The following ABR variants were observed in gnomAD, a reference collection of about 807,000 sequenced individuals.
ABR encodes active breakpoint cluster region-related protein.
In ABR, 35 loss-of-function variants were observed where a neutral mutation model predicts 107.2. That is an observed-to-expected ratio of 0.33 (90% confidence interval 0.25 to 0.43). The LOEUF (loss-of-function observed/expected upper bound fraction) is 0.43. Among genes scored for constraint, ABR ranks in the 20% least tolerant of loss-of-function variants. ABR has a pLI of 1.00. For missense variants in ABR, 815 were observed against 1,115.2 expected, an observed-to-expected ratio of 0.73 and a Z score of 3.83; for synonymous variants, 498 against 462.0, an observed-to-expected ratio of 1.08 and a Z score of -1.00.
At chr17:1,065,779 T>A (rs2034665440) in intron 10 of ABR, among the ~76,000 whole-genome samples, 1 of 142,474 alleles carries the variant, frequency 7.0e-6, no homozygotes, top group African/African-American at 2.6e-5. Context: ...ACAGTCTCAC[T>A]CTGTTGCTCA....
intron 16 of ABR, among the ~76,000 whole-genome samples, chr17:1,024,039 A>G (rs1365040372): frequency 1.3e-5 from 2 of 149,548 alleles, no homozygotes; most frequent in Non-Finnish European, 3.0e-5. Context: ...AAAAAAAAAA[A>G]AAAAAAAAAA....
chr17:1,015,144 C>T (rs969309071), intron 16 of ABR, among the ~76,000 whole-genome samples: 1 of 152,052 alleles, frequency 6.6e-6, no homozygotes, highest in Non-Finnish European at 1.5e-5. Flanking sequence ...CAGCCAGGCA[C>T]GGTGGCTCAC....
exon 1 of ABR, chr17:1,228,916 G>A (rs902664752): frequency 2.0e-5 from 3 of 151,722 alleles, no homozygotes; most frequent in African/African-American, 7.2e-5. Flanking sequence ...CGCCACGGGG[G>A]CAGGTGCTCG....
intron 1 of ABR, among the ~76,000 whole-genome samples, chr17:1,185,470 C>T (rs2042257350): frequency 6.6e-6 from 1 of 151,888 alleles, no homozygotes; most frequent in Non-Finnish European, 1.5e-5. Context: ...CATGGTGAAA[C>T]CCCGTCTCTA....
At chr17:1,115,679 C>T (rs1304965126) in intron 2 of ABR, among the ~76,000 whole-genome samples, 2 of 152,242 alleles carry the variant, frequency 1.3e-5, no homozygotes, top group Non-Finnish European at 2.9e-5. Context: ...AATCCCAGCA[C>T]TTTGGGAGGC....
chr17:1,186,201 G>T (rs932005869), intron 1 of ABR, among the ~76,000 whole-genome samples: 1 of 152,170 alleles, frequency 6.6e-6, no homozygotes, highest in South Asian at 2.1e-4. Flanking sequence ...AATTCCCCAG[G>T]CCTCCACAGT....
In ABR at chr17:1,179,004, GT is replaced by G. The variant is rs377568754; in HGVS notation, c.61+662del. On this transcript the variant is annotated intron_variant, in intron 1 of 22. Coordinates refer to ENST00000302538, the MANE Select transcript of ABR (RefSeq NM_021962.5). This position sits in a 1 kb window ranked among gnomAD's most constrained non-coding sequence, Gnocchi z 4.9. The stretch of plus-strand genomic sequence containing the variant: ...GGGGGTGGAGAACTCGAGAAGGTTT[GT>G]TTTTTTTTTCTTCTGAGGGTGGTGG... Among the ~76,000 whole-genome samples, 5 of 146,502 alleles carry G rather than the reference GT, an allele frequency of 3.4e-5. No homozygotes were observed. Among genetic ancestry groups the G allele is most frequent in the Admixed American group, 2.0e-4 (3 of 14,696 alleles).
chr17:1,169,873 C>T (rs979554706), intron 1 of ABR, among the ~76,000 whole-genome samples: 4 of 152,080 alleles, frequency 2.6e-5, no homozygotes, highest in African/African-American at 9.7e-5. Context: ...CGTCCTCGCC[C>T]CTGGCCTCGC....
At chr17:1,174,493 G>A (rs1287968439) in intron 1 of ABR, among the ~76,000 whole-genome samples, 1 of 152,140 alleles carries the variant, frequency 6.6e-6, no homozygotes, top group Non-Finnish European at 1.5e-5. Flanking sequence ...GTAGGCTCAT[G>A]CTCACCTGGA....
At chr17:1,040,454 C>T (rs1255700936) in intron 16 of ABR, among the ~76,000 whole-genome samples, 2 of 152,226 alleles carry the variant, frequency 1.3e-5, no homozygotes, top group African/African-American at 4.8e-5. Context: ...GCAGGGAAAC[C>T]TCGGGCCAGC....
At chr17:1,208,909 G>C (rs2042850975) in intron 1 of ABR, among the ~76,000 whole-genome samples, 2 of 148,690 alleles carry the variant, frequency 1.3e-5, no homozygotes, top group African/African-American at 5.0e-5. Flanking sequence ...AAAAAAGCCT[G>C]CTTTGTGCCT....
intron 1 of ABR, among the ~76,000 whole-genome samples, chr17:1,166,218 C>G (rs1304008200): frequency 6.6e-6 from 1 of 152,148 alleles, no homozygotes; most frequent in African/African-American, 2.4e-5. Context: ...AGTCGTCTGA[C>G]TCCACGCGGC....
chr17:1,108,233 TCA>T (rs1235745966), intron 2 of ABR, among the ~76,000 whole-genome samples: 9 of 152,376 alleles, frequency 5.9e-5, no homozygotes, highest in South Asian at 2.1e-4. Flanking sequence ...CGGGCCAGAC[TCA>T]CAGAGCCGGC....
chr17:1,021,719 G>A (rs990408666), intron 16 of ABR, among the ~76,000 whole-genome samples: 8 of 151,702 alleles, frequency 5.3e-5, no homozygotes, highest in Non-Finnish European at 1.0e-4. Context: ...CAGGAGAATC[G>A]CTTGAACCCG....
At position 1,003,668 on chromosome 17, in the gene ABR, T is replaced by C. The variant is rs766134963; in HGVS notation, c.*2412A>G. ...CCAACTTATTAAAGTCAGATATTCA[T>C]GAAGGGTCCCATCCTACCTGTGTAT... On this transcript the variant is annotated 3_prime_UTR_variant, in exon 23 of 23. Transcript: ENST00000302538. 2.4e-4 allele frequency: 36 copies of C among 152,484 alleles called. 1 individual carries two copies. Among genetic ancestry groups the C allele is most frequent in the Non-Finnish European group, 4.6e-4 (31 of 68,048 alleles). The allele number at this position is 152,484 out of a possible 1,614,324, so 9.4% of individuals were successfully genotyped here.
upstream of ABR, chr17:1,182,060 C>T (rs911955901): frequency 6.6e-6 from 1 of 152,194 alleles, no homozygotes; most frequent in Non-Finnish European, 1.5e-5. Context: ...TTTTTTCTGT[C>T]TACATTCTGT....
intron 1 of ABR, among the ~76,000 whole-genome samples, chr17:1,155,620 G>A (rs910825888): frequency 6.6e-6 from 1 of 152,074 alleles, no homozygotes; most frequent in Non-Finnish European, 1.5e-5. Context: ...ATGTGCAGAG[G>A]GGAAGAAAAC....
chr17:1,142,049 C>T (rs1049109495), intron 1 of ABR, among the ~76,000 whole-genome samples: 4 of 151,876 alleles, frequency 2.6e-5, no homozygotes, highest in Non-Finnish European at 4.4e-5. Flanking sequence ...TGAGCCACTG[C>T]GCCCGGCCAG....
intron 1 of ABR, among the ~76,000 whole-genome samples, chr17:1,217,285 G>A (rs534666126): frequency 4.6e-5 from 7 of 152,226 alleles, no homozygotes; most frequent in East Asian, 1.9e-4. Flanking sequence ...TGGATGCTTC[G>A]CTGTTCCAGC....
Sources: allele counts gnomAD v4.1 joint callset (sites outside exome capture counted in the v4.1 genomes callset), GRCh38; gene constraint gnomAD v4.1.1; non-coding constraint Gnocchi (gnomAD v3.1); transcripts MANE v1.5; gene names NCBI Gene and HGNC (gene_info 2026-07-23, HGNC 2026-07-21).